The following MYO6 variants were observed in gnomAD, a reference collection of about 807,000 sequenced individuals.
MYO6 encodes unconventional myosin-VI.
Under a neutral mutation model 178.7 loss-of-function variants are expected in MYO6, and 74 were observed. The observed-to-expected ratio is 0.41, with a 90% CI of 0.34 to 0.50. The LOEUF (loss-of-function observed/expected upper bound fraction) is 0.50. Ranked by LOEUF, MYO6 falls within the 20% of genes least tolerant of loss-of-function variation. The probability of loss-of-function intolerance (pLI) is 0.09; values close to 1 mark genes in which losing one functional copy is unlikely to be tolerated. For synonymous variants in MYO6, 477 were observed against 504.6 expected (o/e 0.95, Z 0.73); for missense variants, 1,330 against 1,547.4 (o/e 0.86, Z 2.36).
intron 33 of MYO6, 32 bp from the exon 34 acceptor site, chr6:75,914,031 G>A (rs765389478): frequency 1.2e-6 from 2 of 1,605,382 alleles, no homozygotes; most frequent in Non-Finnish European, 1.7e-6. Flanking sequence ...CCCTTGAGCT[G>A]CTGGTATAAC....
At chr6:75,853,717 T>C (rs1010984187) in intron 11 of MYO6, among the ~76,000 whole-genome samples, 1 of 152,172 alleles carries the variant, frequency 6.6e-6, no homozygotes, top group Non-Finnish European at 1.5e-5. Context: ...ATTGTCATGA[T>C]TTTCACACAT....
chr6:75,783,859 T>G, intron 1 of MYO6, among the ~76,000 whole-genome samples: 1 of 152,172 alleles, frequency 6.6e-6, no homozygotes, highest in Non-Finnish European at 1.5e-5. Context: ...TAGGAAGAGG[T>G]CAGATTTCTG....
intron 30 of MYO6, 93 bp from the exon 31 acceptor site, chr6:75,907,512 G>A (rs1226129567): frequency 1.9e-5 from 18 of 970,662 alleles, no homozygotes; most frequent in East Asian, 2.5e-5. Flanking sequence ...AGCTGTTTCC[G>A]GTTTTCAAAC....
At chr6:75,877,271 T>C (rs1777639078) in intron 20 of MYO6, among the ~76,000 whole-genome samples, 1 of 147,638 alleles carries the variant, frequency 6.8e-6, no homozygotes, top group Non-Finnish European at 1.5e-5. Flanking sequence ...CCGCGCCTCG[T>C]CTTTTTTTTT....
At chr6:75,825,767 G>A (rs988114023) in intron 3 of MYO6, among the ~76,000 whole-genome samples, 1 of 151,940 alleles carries the variant, frequency 6.6e-6, no homozygotes, top group Non-Finnish European at 1.5e-5. Context: ...GATTAAACAG[G>A]ATCTTAAATG....
intron 1 of MYO6, among the ~76,000 whole-genome samples, chr6:75,801,527 A>ATT (rs372195012): frequency 1.4e-4 from 21 of 149,008 alleles, no homozygotes; most frequent in African/African-American, 4.4e-4. Flanking sequence ...TGAGAGCTTA[A>ATT]TTTTTTTTTT....
intron 32 of MYO6, among the ~76,000 whole-genome samples, chr6:75,910,428 C>T (rs1381298396): frequency 6.6e-6 from 1 of 152,134 alleles, no homozygotes; most frequent in Admixed American, 6.6e-5. Flanking sequence ...ATACCTTATT[C>T]ATCTAGCTTT....
intron 1 of MYO6, among the ~76,000 whole-genome samples, chr6:75,769,628 G>A (rs578194120): frequency 2.0e-5 from 3 of 152,198 alleles, no homozygotes; most frequent in Non-Finnish European, 4.4e-5. Flanking sequence ...TAGGCTGGGC[G>A]TGGTGGCTCA....
intron 30 of MYO6, among the ~76,000 whole-genome samples, chr6:75,898,927 T>G (rs1462940158): frequency 6.6e-6 from 1 of 152,186 alleles, no homozygotes; most frequent in Non-Finnish European, 1.5e-5. Flanking sequence ...ATGGATATGA[T>G]TCACTAACAT....
chr6:75,764,286 C>T (rs373740033), intron 1 of MYO6, among the ~76,000 whole-genome samples: 1 of 152,154 alleles, frequency 6.6e-6, no homozygotes, highest in South Asian at 2.1e-4. Flanking sequence ...ACTCATCACA[C>T]CTGTGCCATT....
At chr6:75,757,181 TAC>T (rs559090500) in intron 1 of MYO6, among the ~76,000 whole-genome samples, 140 of 147,814 alleles carry the variant, frequency 9.5e-4, no homozygotes, top group African/African-American at 3.4e-3. Context: ...CACACATATA[TAC>T]ACACATATAT....
At chr6:75,839,245 G>A (rs2150244991) in intron 7 of MYO6, among the ~76,000 whole-genome samples, 1 of 152,092 alleles carries the variant, frequency 6.6e-6, no homozygotes, top group East Asian at 1.9e-4. Flanking sequence ...CTGGAGTGCA[G>A]TGGCGCGATC....
At position 75,862,724 on chromosome 6, in the gene MYO6, G is replaced by A. The variant is rs776360909; in HGVS notation, c.1674+1G>A. ...GCACAAGGATCATTTTCGACTCACT[G>A]TGAGTTTTGCCATTCTGAAATTGAG... On this transcript the variant is annotated splice_donor_variant, in intron 16 of 34. Coordinates refer to ENST00000369977, the MANE Select transcript of MYO6 (RefSeq NM_004999.4). LOFTEE classifies it high-confidence loss of function. 1 of 1,613,982 alleles carries A rather than the reference G, an allele frequency of 6.2e-7. No individual in the cohort carries two copies. Among genetic ancestry groups the A allele is most frequent in the South Asian group, 1.1e-5 (1 of 91,074 alleles).
intron 1 of MYO6, among the ~76,000 whole-genome samples, chr6:75,815,646 G>A (rs1480239391): frequency 6.6e-6 from 1 of 152,166 alleles, no homozygotes; most frequent in Non-Finnish European, 1.5e-5. Flanking sequence ...TGCTGGATAG[G>A]GAAAGCAACT....
chr6:75,762,127 G>A (rs940748006), intron 1 of MYO6, among the ~76,000 whole-genome samples: 18 of 152,096 alleles, frequency 1.2e-4, no homozygotes, highest in African/African-American at 4.3e-4. Flanking sequence ...AGTAGAGACA[G>A]AGTGTCACCA....
chr6:75,803,248 A>G (rs1769669121), intron 1 of MYO6, among the ~76,000 whole-genome samples: 1 of 152,194 alleles, frequency 6.6e-6, no homozygotes. Context: ...AATATTTCAT[A>G]GTAAGCTTAT....
At chr6:75,911,910 T>G (rs1780784079) in intron 33 of MYO6, among the ~76,000 whole-genome samples, 1 of 152,040 alleles carries the variant, frequency 6.6e-6, no homozygotes, top group Non-Finnish European at 1.5e-5. Context: ...AAAAATCTAG[T>G]GAAATTAATG....
At chr6:75,763,548 T>C (rs1022973310) in intron 1 of MYO6, among the ~76,000 whole-genome samples, 1 of 152,214 alleles carries the variant, frequency 6.6e-6, no homozygotes, top group African/African-American at 2.4e-5. Flanking sequence ...GTGCTTCATA[T>C]TACTAATAAA....
chr6:75,851,920 A>G (rs1775305014), intron 11 of MYO6, among the ~76,000 whole-genome samples: 2 of 152,320 alleles, frequency 1.3e-5, no homozygotes, highest in African/African-American at 4.8e-5. Flanking sequence ...ACTGTCATAA[A>G]GAAGTTTTTG....
Sources: gnomAD v4.1 joint callset for allele counts (sites outside exome capture counted in the v4.1 genomes callset) on GRCh38, gnomAD v4.1.1 for gene constraint, MANE v1.5 for transcripts, NCBI Gene and HGNC (gene_info 2026-07-23, HGNC 2026-07-21) for gene names.